Variants in SH3PXD2A observed in about 807,000 individuals in gnomAD.
The protein encoded by SH3PXD2A is SH3 and PX domains 2A.
SH3PXD2A carries 32 observed loss-of-function variants against 115.2 expected under a neutral mutation model. The ratio of observed to expected loss-of-function variants is 0.28; its 90% confidence interval spans 0.21 to 0.37. The LOEUF (loss-of-function observed/expected upper bound fraction) is 0.37, where lower values mean the gene tolerates loss of function less well. Ranked by LOEUF, SH3PXD2A falls within the 10% of genes least tolerant of loss-of-function variation. SH3PXD2A has a pLI of 1.00. For synonymous variants in SH3PXD2A, 610 were observed against 629.1 expected, an observed-to-expected ratio of 0.97 and a Z score of 0.45; for missense variants, 1,328 against 1,498.7, an observed-to-expected ratio of 0.89 and a Z score of 1.88.
chr10:103,740,913 A>G (rs978044961), intron 3 of SH3PXD2A, among the ~76,000 whole-genome samples: 1 of 152,200 alleles, frequency 6.6e-6, no homozygotes, highest in Non-Finnish European at 1.5e-5. Flanking sequence ...CACAGCAGTG[A>G]ACCAGACAGA....
Position 103,665,381 on chromosome 10 carries a change from T to C in SH3PXD2A, c.472+3227A>G, listed in dbSNP as rs990947474. ...CCCCACACCCCTTCCCCCCACCACT[T>C]TCCTGGAAAATTGGCCTGACCTTCC... is the stretch of plus-strand genomic sequence containing the variant. On this transcript the variant is annotated intron_variant, in intron 7 of 14. Coordinates refer to ENST00000369774, the MANE Select transcript of SH3PXD2A (RefSeq NM_001394015.1). This position sits in a 1 kb window ranked among gnomAD's most constrained non-coding sequence, Gnocchi z 4.0. Among the ~76,000 whole-genome samples the C allele has an allele frequency of 3.9e-5, 6 of 151,920 alleles. No homozygotes were observed. The highest frequency in any genetic ancestry group is 1.4e-4 in the African/African-American group (6 of 41,384).
chr10:103,785,648 G>T (rs1441053034), intron 2 of SH3PXD2A, among the ~76,000 whole-genome samples: 4 of 152,030 alleles, frequency 2.6e-5, no homozygotes, highest in African/African-American at 7.2e-5. Flanking sequence ...ATTCCAAAAG[G>T]CGCGTCTGTA....
intron 5 of SH3PXD2A, among the ~76,000 whole-genome samples, chr10:103,706,307 TGGA>T (rs796969039): frequency 2.4e-4 from 36 of 152,344 alleles, no homozygotes; most frequent in African/African-American, 8.4e-4. Flanking sequence ...GTGGCTGGAC[TGGA>T]GGAGCCTGAG....
At chr10:103,733,320 C>T (rs58251982) in intron 4 of SH3PXD2A, among the ~76,000 whole-genome samples, 4,702 of 152,262 alleles carry the variant, frequency 0.031, 224 homozygotes, top group African/African-American at 0.1. Flanking sequence ...CTTCCTCCTC[C>T]GGATGACCCA....
chr10:103,851,684 T>C (rs1842898248), intron 1 of SH3PXD2A, among the ~76,000 whole-genome samples: 1 of 152,188 alleles, frequency 6.6e-6, no homozygotes, highest in Non-Finnish European at 1.5e-5. Flanking sequence ...GTACATTCAA[T>C]GACCTGCAGG....
At chr10:103,670,791 G>A (rs1322198267) in intron 6 of SH3PXD2A, among the ~76,000 whole-genome samples, 1 of 152,234 alleles carries the variant, frequency 6.6e-6, no homozygotes, top group African/African-American at 2.4e-5. Flanking sequence ...CCCTGGTAGG[G>A]CTGAGACAAG....
chr10:103,676,023 G>T (rs1321752809), intron 6 of SH3PXD2A, among the ~76,000 whole-genome samples: 1 of 151,702 alleles, frequency 6.6e-6, no homozygotes, highest in African/African-American at 2.4e-5. Context: ...TGGGCAACAA[G>T]AGCGAAACTC....
At position 103,620,745 on chromosome 10, in the gene SH3PXD2A, T is replaced by TG. The variant is rs1256059583; in HGVS notation, c.802+1724dup. 2.0e-5 allele frequency among the ~76,000 whole-genome samples: 3 copies of TG among 152,160 alleles called. No individual in the cohort carries two copies. Among genetic ancestry groups the TG allele is most frequent in the Non-Finnish European group, 4.4e-5 (3 of 68,012 alleles). On this transcript the variant is annotated intron_variant, in intron 10 of 14. Transcript: ENST00000369774. This position sits in a 1 kb window ranked among gnomAD's most constrained non-coding sequence, Gnocchi z 5.3. The stretch of plus-strand genomic sequence containing the variant: ...AGAGAGAGAGAGAGAGAGCAAGAGC[T>TG]GGGGGCTTATATTTGCTTAGGTATG...
At chr10:103,652,088 C>T (rs987708945) in intron 8 of SH3PXD2A, among the ~76,000 whole-genome samples, 6 of 152,252 alleles carry the variant, frequency 3.9e-5, no homozygotes, top group African/African-American at 9.6e-5. Context: ...CCCCACAATC[C>T]GATCCAATAA....
At chr10:103,732,478 C>T (rs949127070) in intron 4 of SH3PXD2A, among the ~76,000 whole-genome samples, 2 of 152,236 alleles carry the variant, frequency 1.3e-5, no homozygotes, top group African/African-American at 4.8e-5. Context: ...CCGTGATTCC[C>T]ATCCAATCTG....
At chr10:103,728,897 G>GTTTTTTTTTTTTT (rs57283527) in intron 4 of SH3PXD2A, among the ~76,000 whole-genome samples, 6 of 135,902 alleles carry the variant, frequency 4.4e-5, no homozygotes, top group African/African-American at 1.4e-4. Flanking sequence ...TTGTTTGTTT[G>GTTTTTTTTTTTTT]TTTTTTTTTT....
At position 103,627,171 on chromosome 10, in the gene SH3PXD2A, C is replaced by T; in HGVS notation, c.636G>A (p.Gln212=). The T allele has an allele frequency of 6.2e-7, 1 of 1,613,210 alleles. No homozygotes were observed. Among genetic ancestry groups the T allele is most frequent in the South Asian group, 1.1e-5 (1 of 91,056 alleles). ...CCAGGTAGGTGGCAGGGACCCAGCC[C>T]TGCTCCTCAGAAGTGCTCACGAACC... The part of the protein sequence containing the change: ...GWWFVSTSEE[Q]GWVPATYLEA... Residue 212 remains glutamine (Q), a synonymous_variant, in exon 9 of 15, where the codon CAG becomes CAA. Coordinates refer to ENST00000369774, the MANE Select transcript of SH3PXD2A (RefSeq NM_001394015.1). The surrounding 1 kb of genome is among the most constrained non-coding windows in gnomAD (Gnocchi z 4.4).
intron 13 of SH3PXD2A, among the ~76,000 whole-genome samples, chr10:103,610,572 T>C (rs1183111408): frequency 4.6e-5 from 7 of 152,176 alleles, no homozygotes; most frequent in Non-Finnish European, 7.4e-5. Flanking sequence ...TACTCTTCCA[T>C]AGACTGGTGC....
chr10:103,797,748 G>A (rs1031085447), intron 2 of SH3PXD2A, among the ~76,000 whole-genome samples: 3 of 151,772 alleles, frequency 2.0e-5, no homozygotes, highest in African/African-American at 7.3e-5. Context: ...TGAGGGGGTG[G>A]GGAAGGGCTG....
chr10:103,712,583 G>A (rs1407091816), intron 5 of SH3PXD2A, among the ~76,000 whole-genome samples: 2 of 152,218 alleles, frequency 1.3e-5, no homozygotes, highest in African/African-American at 4.8e-5. Context: ...AGGCTGCCCT[G>A]GGGGGCCTGG....
chr10:103,819,510 G>C (rs2039356347), intron 1 of SH3PXD2A, among the ~76,000 whole-genome samples: 1 of 152,144 alleles, frequency 6.6e-6, no homozygotes, highest in African/African-American at 2.4e-5. Flanking sequence ...CCAAGGCAGT[G>C]AGAGGCAGGA....
chr10:103,682,779 AC>A (rs1411349381), intron 6 of SH3PXD2A, among the ~76,000 whole-genome samples: 7 of 150,848 alleles, frequency 4.6e-5, no homozygotes, highest in Non-Finnish European at 1.0e-4. Context: ...AACAAAACAA[AC>A]CACGAGCCTG....
intron 8 of SH3PXD2A, among the ~76,000 whole-genome samples, chr10:103,631,591 G>A (rs1240961503): frequency 6.6e-6 from 1 of 152,152 alleles, no homozygotes; most frequent in Non-Finnish European, 1.5e-5. Flanking sequence ...CCCATCGTGA[G>A]CCAAATCTGA....
At chr10:103,682,297 C>A (rs2037620604) in intron 6 of SH3PXD2A, among the ~76,000 whole-genome samples, 1 of 152,264 alleles carries the variant, frequency 6.6e-6, no homozygotes, top group Non-Finnish European at 1.5e-5. Flanking sequence ...GGCGCAGACA[C>A]ACACGTGAGC....
Sources: gnomAD v4.1 joint callset for allele counts (sites outside exome capture counted in the v4.1 genomes callset) on GRCh38, gnomAD v4.1.1 for gene constraint, Gnocchi (gnomAD v3.1) non-coding constraint, MANE v1.5 for transcripts, NCBI Gene and HGNC (gene_info 2026-07-23, HGNC 2026-07-21) for gene names.